MDGA2: variants seen among roughly 807,000 people sequenced by gnomAD.
The protein encoded by MDGA2 is MAM domain-containing glycosylphosphatidylinositol anchor protein 2.
Under a neutral mutation model 117.8 loss-of-function variants are expected in MDGA2, and 40 were observed. That is an observed-to-expected ratio of 0.34 (90% CI 0.26 to 0.44). The LOEUF (loss-of-function observed/expected upper bound fraction) is 0.44. Ranked by LOEUF, MDGA2 falls within the 20% of genes least tolerant of loss-of-function variation. The pLI, the probability that MDGA2 is intolerant of heterozygous loss-of-function variation, is 1.00. For missense variants in MDGA2, 1,123 were observed against 1,250.6 expected, an observed-to-expected ratio of 0.90 and a Z score of 1.54; for synonymous variants, 452 against 439.0, an observed-to-expected ratio of 1.03 and a Z score of -0.37.
intron 9 of MDGA2, among the ~76,000 whole-genome samples, chr14:46,924,922 A>G (rs1393861590): frequency 4.6e-5 from 7 of 152,150 alleles, no homozygotes; most frequent in Admixed American, 4.6e-4. Flanking sequence ...GGTCTTTTTT[A>G]CCATTGGGAG....
intron 2 of MDGA2, among the ~76,000 whole-genome samples, chr14:47,228,218 G>C (rs1291096578): frequency 1.3e-5 from 2 of 152,104 alleles, no homozygotes; most frequent in Admixed American, 1.3e-4. Flanking sequence ...TTCATAACTT[G>C]AAAAGTAGTA....
At chr14:46,968,391 T>C (rs956061578) in intron 8 of MDGA2, among the ~76,000 whole-genome samples, 2 of 151,870 alleles carry the variant, frequency 1.3e-5, no homozygotes, top group Non-Finnish European at 2.9e-5. Context: ...CAGCAGCACA[T>C]CAACATAGTA....
intron 1 of MDGA2, among the ~76,000 whole-genome samples, chr14:47,302,790 G>C (rs961053910): frequency 2.0e-5 from 3 of 152,064 alleles, no homozygotes; most frequent in African/African-American, 7.2e-5. Context: ...TAACATAAAT[G>C]CACAGTCTAC....
At chr14:47,406,877 T>C (rs545378497) in intron 1 of MDGA2, among the ~76,000 whole-genome samples, 2 of 152,036 alleles carry the variant, frequency 1.3e-5, no homozygotes, top group Non-Finnish European at 2.9e-5. Flanking sequence ...TGCCACTCAC[T>C]GTTTGACAAT....
chr14:47,512,579 T>C (rs1445786396), intron 1 of MDGA2, among the ~76,000 whole-genome samples: 1 of 152,314 alleles, frequency 6.6e-6, no homozygotes, highest in East Asian at 1.9e-4. Context: ...ACATCATAAA[T>C]CTATCGTAGT....
In MDGA2 at chr14:47,548,812, T is replaced by C. The variant is rs185891381; in HGVS notation, c.280+125705A>G. Reference sequence around the variant, plus strand: ...ATCTCCAGAAGTATGGCGGACATTATCATATCTCCTATGGTCTTCTCTTTC... The same window carrying C: ...ATCTCCAGAAGTATGGCGGACATTACCATATCTCCTATGGTCTTCTCTTTC... On this transcript the variant is annotated intron_variant, in intron 1 of 16. Transcript: ENST00000399232. Among the ~76,000 whole-genome samples the C allele has an allele frequency of 2.6e-5, 4 of 152,258 alleles. No homozygotes were observed. The East Asian group carries it at 5.8e-4, about 22-fold the overall frequency.
intron 1 of MDGA2, among the ~76,000 whole-genome samples, chr14:47,408,056 C>CTTTTTTTTTTTTTTTTTTTTTTTTT (rs56285818): frequency 1.7e-5 from 2 of 115,186 alleles, no homozygotes; most frequent in Non-Finnish European, 3.4e-5. Flanking sequence ...GGAGATTATT[C>CTTTTTTTTTTTTTTTTTTTTTTTTT]TTTTTTTTTT....
intron 7 of MDGA2, among the ~76,000 whole-genome samples, chr14:47,043,991 T>G (rs1404928887): frequency 6.6e-6 from 1 of 152,120 alleles, no homozygotes; most frequent in African/African-American, 2.4e-5. Flanking sequence ...TGCACTTACA[T>G]ATGTAACGAA....
chr14:46,868,094 A>G (rs1046692988), intron 14 of MDGA2, among the ~76,000 whole-genome samples: 6 of 152,000 alleles, frequency 3.9e-5, no homozygotes, highest in African/African-American at 1.4e-4. Context: ...GTTTCCGAGA[A>G]TCAAATGTAA....
At chr14:47,614,742 A>C (rs1896918819) in intron 1 of MDGA2, among the ~76,000 whole-genome samples, 1 of 152,348 alleles carries the variant, frequency 6.6e-6, no homozygotes, top group East Asian at 1.9e-4. Context: ...ATTTGTATGC[A>C]TCTCAGATTT....
chr14:47,243,570 C>T (rs1028237995), intron 2 of MDGA2, among the ~76,000 whole-genome samples: 3 of 151,196 alleles, frequency 2.0e-5, no homozygotes, highest in Non-Finnish European at 3.0e-5. Flanking sequence ...CCAGGAGGAA[C>T]GAGCAACTCC....
At chr14:46,848,634 C>T (rs1028739818) in intron 15 of MDGA2, among the ~76,000 whole-genome samples, 6 of 147,838 alleles carry the variant, frequency 4.1e-5, no homozygotes, top group Admixed American at 3.4e-4. Flanking sequence ...AAAGATTGGA[C>T]CTAGGCTTGT....
At chr14:47,215,164 G>C (rs978768260) in intron 3 of MDGA2, among the ~76,000 whole-genome samples, 4 of 151,896 alleles carry the variant, frequency 2.6e-5, no homozygotes, top group African/African-American at 9.7e-5. Context: ...TGATTTTAAA[G>C]GCATGATTTC....
intron 8 of MDGA2, among the ~76,000 whole-genome samples, chr14:46,959,629 T>C (rs1401546009): frequency 1.3e-5 from 2 of 152,178 alleles, no homozygotes; most frequent in African/African-American, 2.4e-5. Context: ...TTAAATTTAC[T>C]GTAACATTAT....
At chr14:47,377,792 C>T (rs920808161) in intron 1 of MDGA2, among the ~76,000 whole-genome samples, 3 of 152,134 alleles carry the variant, frequency 2.0e-5, no homozygotes, top group South Asian at 2.1e-4. Flanking sequence ...GGGGGCAGGG[C>T]ATAGCTGAAC....
chr14:47,285,585 T>A (rs1416212492), intron 2 of MDGA2, among the ~76,000 whole-genome samples: 2 of 152,166 alleles, frequency 1.3e-5, no homozygotes, highest in Non-Finnish European at 1.5e-5. Context: ...TTTCTCTGAC[T>A]GAAGGGCTTT....
intron 1 of MDGA2, among the ~76,000 whole-genome samples, chr14:47,474,934 T>C (rs2138622871): frequency 6.6e-6 from 1 of 152,216 alleles, no homozygotes; most frequent in African/African-American, 2.4e-5. Context: ...GAAGATTTCA[T>C]GACGAAAATG....
chr14:47,265,341 T>C (rs1887931309), intron 2 of MDGA2, among the ~76,000 whole-genome samples: 1 of 152,154 alleles, frequency 6.6e-6, no homozygotes, highest in Non-Finnish European at 1.5e-5. Flanking sequence ...TCATTGTGTT[T>C]AAGAATAATC....
chr14:47,034,907 T>A, intron 8 of MDGA2, 104 bp downstream of exon 8: 1 of 956,496 alleles, frequency 1.0e-6, no homozygotes, highest in Non-Finnish European at 1.6e-6. Context: ...TAGAAATAGT[T>A]CATTCAATCT....
Sources: gnomAD v4.1 joint callset for allele counts (sites outside exome capture counted in the v4.1 genomes callset) on GRCh38, gnomAD v4.1.1 for gene constraint, MANE v1.5 for transcripts, NCBI Gene and HGNC (gene_info 2026-07-23, HGNC 2026-07-21) for gene names.